The following MSR1 variants were observed in gnomAD, a reference collection of about 807,000 sequenced individuals.
The protein encoded by MSR1 is macrophage scavenger receptor 1.
MSR1 carries 53 observed loss-of-function variants against 47.2 expected under a neutral mutation model. The ratio of observed to expected loss-of-function variants is 1.12; its 90% CI spans 0.90 to 1.41. The LOEUF (loss-of-function observed/expected upper bound fraction) is 1.41. Among genes scored for constraint, MSR1 ranks in the 40% most tolerant of loss-of-function variants. MSR1 has a pLI of 0.00. For synonymous variants in MSR1, 239 were observed against 185.6 expected (o/e 1.29, Z -2.34); for missense variants, 786 against 546.9 (o/e 1.44, Z -4.36).
At chr8:16,137,450 C>G (rs1215196651) in intron 8 of MSR1, among the ~76,000 whole-genome samples, 3 of 152,014 alleles carry the variant, frequency 2.0e-5, no homozygotes, top group African/African-American at 7.2e-5. Context: ...CTCTATCTAT[C>G]TCTTTCTCTC....
At chr8:16,119,163 T>A (rs1418457329) in intron 9 of MSR1, among the ~76,000 whole-genome samples, 3 of 152,140 alleles carry the variant, frequency 2.0e-5, no homozygotes, top group Non-Finnish European at 4.4e-5. Context: ...AATTAAATTA[T>A]CCTTCTGGGA....
chr8:16,127,768 G>T (rs59631061), intron 8 of MSR1, among the ~76,000 whole-genome samples: 6,711 of 152,200 alleles, frequency 0.044, 244 homozygotes, highest in East Asian at 0.13. Context: ...AGCCATCTGT[G>T]GGAATTGTAA....
In MSR1 at chr8:16,189,368, A is replaced by G. The variant is rs991216990; in HGVS notation, c.-5+3230T>C. On this transcript the variant is annotated intron_variant, in intron 1 of 9. Transcript: ENST00000262101. ...AATCTTATTTTATATATTTTTATAT[A>G]TATTTTATATATATAAAATCTTATT... 2.5e-5 allele frequency among the ~76,000 whole-genome samples: 3 copies of G among 120,944 alleles called. 1 individual carries two copies. The highest frequency in any genetic ancestry group is 9.4e-5 in the African/African-American group (3 of 31,858). The allele number at this position is 120,944 out of a possible 152,430, so 79.3% of individuals were successfully genotyped here. A position where few individuals can be genotyped will look rare whatever the true frequency, so the allele number is the denominator to read the frequency against.
At chr8:16,111,390 G>A (rs192869975) in intron 9 of MSR1, among the ~76,000 whole-genome samples, 154 of 152,222 alleles carry the variant, frequency 1.0e-3, no homozygotes, top group African/African-American at 3.6e-3. Flanking sequence ...TGGAGAGTGC[G>A]AGAATGGCTC....
chr8:16,155,854 A>G (rs1273216104), intron 5 of MSR1, among the ~76,000 whole-genome samples: 1 of 151,934 alleles, frequency 6.6e-6, no homozygotes, highest in Non-Finnish European at 1.5e-5. Flanking sequence ...AGGTTGCTAT[A>G]AATACTGTAA....
rs777915341 is a variant in MSR1, at chr8:16,110,060, T to G, written c.*25A>C. ...AAATCATTTTTGAGCAGCGATTTCATAGTTGTGAATGAAAATATGATGCAT... is the reference window on the plus strand; with the variant it reads ...AAATCATTTTTGAGCAGCGATTTCAGAGTTGTGAATGAAAATATGATGCAT... On this transcript the variant is annotated 3_prime_UTR_variant, in exon 10 of 10. Transcript: ENST00000262101. The G allele has an allele frequency of 3.7e-6, 6 of 1,612,890 alleles. No individual in the cohort carries two copies. In the East Asian group the frequency reaches 1.3e-4, roughly 36 times the overall value.
At chr8:16,168,428 C>T (rs1801379296) in intron 4 of MSR1, 30 bp downstream of exon 4, 1 of 1,612,772 alleles carries the variant, frequency 6.2e-7, no homozygotes, top group Admixed American at 1.7e-5. Context: ...TCAGTTCCAG[C>T]AAGTGACCTT....
At chr8:16,119,227 T>A (rs1374857508) in intron 9 of MSR1, among the ~76,000 whole-genome samples, 1 of 152,110 alleles carries the variant, frequency 6.6e-6, no homozygotes, top group Non-Finnish European at 1.5e-5. Context: ...TTAAACCTAA[T>A]ATGATAATTA....
chr8:16,186,357 T>C (rs963363998), intron 1 of MSR1: 1 of 644,200 alleles, frequency 1.6e-6, no homozygotes, highest in East Asian at 2.7e-5. Flanking sequence ...TTAAATATAA[T>C]CTAGAAGGCT....
chr8:16,175,392 C>A (rs182569900), intron 2 of MSR1, 92 bp from the exon 3 acceptor site: 23 of 1,035,764 alleles, frequency 2.2e-5, no homozygotes, highest in Non-Finnish European at 3.3e-5. Context: ...ATTCTTACTA[C>A]CAAGCCTATT....
At chr8:16,183,512 T>C (rs1801898263) in intron 1 of MSR1, among the ~76,000 whole-genome samples, 1 of 146,942 alleles carries the variant, frequency 6.8e-6, no homozygotes, top group East Asian at 2.0e-4. Context: ...ATTCATTATA[T>C]AATTACATCT....
Position 16,108,672 on chromosome 8 carries a change from G to A in MSR1, c.*1413C>T, listed in dbSNP as rs1274438076. 1 of 152,114 alleles carries A rather than the reference G, an allele frequency of 6.6e-6. No homozygotes were observed. The highest frequency in any genetic ancestry group is 1.5e-5 in the Non-Finnish European group (1 of 68,000). 9.4% of individuals were successfully genotyped at this position (152,114 alleles called of 1,614,324 possible). ...TATGCTGCCAGAGAAAATCAGCAATGTTAAACAAGTAGAAGAATGTTACAT... is the reference window on the plus strand; with the variant it reads ...TATGCTGCCAGAGAAAATCAGCAATATTAAACAAGTAGAAGAATGTTACAT... On this transcript the variant is annotated 3_prime_UTR_variant, in exon 10 of 10. Transcript: ENST00000262101.
intron 1 of MSR1, among the ~76,000 whole-genome samples, chr8:16,189,955 C>T (rs1222678135): frequency 1.5e-5 from 2 of 137,342 alleles, no homozygotes; most frequent in Non-Finnish European, 3.0e-5. Context: ...TGCTTTGTCA[C>T]CCAGGCTGGA....
At position 16,156,984 on chromosome 8, in the gene MSR1, G is replaced by C. The variant is rs187835593; in HGVS notation, c.818-1840C>G. On this transcript the variant is annotated intron_variant, in intron 5 of 9. Coordinates refer to ENST00000262101, the MANE Select transcript of MSR1 (RefSeq NM_138715.3). ...CACTACATAGCAATGAATCCCAGGGGAGGGGGGCAAGCAGGACAGACACTC... is the reference window on the plus strand; with the variant it reads ...CACTACATAGCAATGAATCCCAGGGCAGGGGGGCAAGCAGGACAGACACTC... Among the ~76,000 whole-genome samples the C allele has an allele frequency of 5.8e-4, 88 of 152,060 alleles. 2 individuals carry two copies. Among genetic ancestry groups the C allele is most frequent in the African/African-American group, 1.9e-3 (79 of 41,518 alleles).
intron 6 of MSR1, among the ~76,000 whole-genome samples, chr8:16,152,617 C>T (rs750015126): frequency 1.3e-5 from 2 of 152,080 alleles, no homozygotes; most frequent in African/African-American, 2.4e-5. Context: ...ACAGGTCAAA[C>T]TACCTTGTTA....
chr8:16,145,767 C>A (rs1800679693), intron 7 of MSR1, among the ~76,000 whole-genome samples: 1 of 151,974 alleles, frequency 6.6e-6, no homozygotes, highest in Non-Finnish European at 1.5e-5. Context: ...GATTTGCTTA[C>A]CGATGATACT....
intron 1 of MSR1, among the ~76,000 whole-genome samples, chr8:16,182,423 G>C (rs762118127): frequency 1.3e-5 from 2 of 152,082 alleles, no homozygotes; most frequent in African/African-American, 2.4e-5. Context: ...TTAGTTTACA[G>C]TACCTTTAAT....
At chr8:16,150,388 GT>G in intron 6 of MSR1, 77 bp from the exon 7 acceptor site, 1 of 671,122 alleles carries the variant, frequency 1.5e-6, no homozygotes, top group Non-Finnish European at 2.4e-6. Context: ...AAAACATCTA[GT>G]TTTATAAGTG....
At chr8:16,116,801 T>C (rs1167276483) in intron 9 of MSR1, among the ~76,000 whole-genome samples, 1 of 152,156 alleles carries the variant, frequency 6.6e-6, no homozygotes, top group Admixed American at 6.5e-5. Context: ...TTCTCACCTA[T>C]GTTTGTAACT....
Sources: gnomAD v4.1 joint callset for allele counts (sites outside exome capture counted in the v4.1 genomes callset) on GRCh38, gnomAD v4.1.1 for gene constraint, MANE v1.5 for transcripts, NCBI Gene and HGNC (gene_info 2026-07-23, HGNC 2026-07-21) for gene names.